The following TRPC1 variants were observed in gnomAD, a reference collection of about 807,000 sequenced individuals.
TRPC1 encodes short transient receptor potential channel 1.
Under a neutral mutation model 88.2 loss-of-function variants are expected in TRPC1, and 42 were observed. The ratio of observed to expected loss-of-function variants is 0.48; its 90% CI spans 0.37 to 0.62. The LOEUF (loss-of-function observed/expected upper bound fraction) is 0.62. Ranked by LOEUF, TRPC1 falls within the 20% of genes least tolerant of loss-of-function variation. The pLI, the probability that TRPC1 is intolerant of heterozygous loss-of-function variation, is 0.00. For synonymous variants in TRPC1, 288 were observed against 331.8 expected, an observed-to-expected ratio of 0.87 and a Z score of 1.43; for missense variants, 699 against 957.3, an observed-to-expected ratio of 0.73 and a Z score of 3.56.
chr3:142,756,641 G>A (rs912047951), intron 4 of TRPC1, among the ~76,000 whole-genome samples: 16 of 152,172 alleles, frequency 1.1e-4, no homozygotes, highest in African/African-American at 3.9e-4. Flanking sequence ...CTACAGGCAT[G>A]AGCCACTGCA....
At chr3:142,739,840 A>C (rs1472217201) in intron 2 of TRPC1, among the ~76,000 whole-genome samples, 1 of 152,180 alleles carries the variant, frequency 6.6e-6, no homozygotes, top group Non-Finnish European at 1.5e-5. Flanking sequence ...CTGTAAGAAA[A>C]ACAGTGGCTA....
intron 4 of TRPC1, among the ~76,000 whole-genome samples, chr3:142,764,012 ATATAAC>A: frequency 8.1e-6 from 1 of 123,044 alleles, no homozygotes; most frequent in African/African-American, 3.5e-5. Context: ...ATATATATAT[ATATAAC>A]AAATTATTTT....
chr3:142,726,097 T>G (rs956116628), intron 1 of TRPC1, among the ~76,000 whole-genome samples: 7 of 152,200 alleles, frequency 4.6e-5, no homozygotes, highest in African/African-American at 1.7e-4. Context: ...TTAGTATTGC[T>G]GGAGTGGGTT....
At chr3:142,782,786 G>A (rs888160260) in intron 6 of TRPC1, among the ~76,000 whole-genome samples, 7 of 152,208 alleles carry the variant, frequency 4.6e-5, no homozygotes, top group African/African-American at 1.7e-4. Flanking sequence ...ACAATGGGCA[G>A]ACTTTGAGGA....
chr3:142,730,921 A>G lies in TRPC1; in HGVS notation c.173-5458A>G, dbSNP rs573313679. 3.3e-5 allele frequency among the ~76,000 whole-genome samples: 5 copies of G among 152,328 alleles called. No homozygotes were observed. In the South Asian group the frequency reaches 1.0e-3, roughly 32 times the overall value. On this transcript the variant is annotated intron_variant, in intron 1 of 12. Transcript: ENST00000476941. ...TCACAACTAACTTCAAATTTGGTTA[A>G]TATAAAATTAAACTGAACAACATTG...
chr3:142,732,807 A>G lies in TRPC1; in HGVS notation c.173-3572A>G, dbSNP rs538389719. 2.0e-5 allele frequency among the ~76,000 whole-genome samples: 3 copies of G among 152,320 alleles called. No homozygotes were observed. The South Asian group carries it at 6.2e-4, about 32-fold the overall frequency. The stretch of plus-strand genomic sequence containing the variant: ...ACAAAAGATGTAACTCTTGAAAGCA[A>G]CTTCGTTATAAAATGAATGGCATTT... On this transcript the variant is annotated intron_variant, in intron 1 of 12. Transcript: ENST00000476941.
In TRPC1 at chr3:142,748,500, A is replaced by G. The variant is rs190579348; in HGVS notation, c.632+40A>G. 20 of 1,573,304 alleles carry G rather than the reference A, an allele frequency of 1.3e-5. 1 individual carries two copies. The highest frequency in any genetic ancestry group is 1.7e-4 in the Middle Eastern group (1 of 5,968). Reference sequence around the variant, plus strand: ...CTTTTGATAAATAGATGTGTGATATATATCAACAATGTTGATTTTTAAAAT... The same window carrying G: ...CTTTTGATAAATAGATGTGTGATATGTATCAACAATGTTGATTTTTAAAAT... On this transcript the variant is annotated intron_variant, in intron 4 of 12. Transcript: ENST00000476941.
At chr3:142,775,992 T>C (rs899169504) in intron 4 of TRPC1, among the ~76,000 whole-genome samples, 2 of 152,166 alleles carry the variant, frequency 1.3e-5, no homozygotes, top group African/African-American at 2.4e-5. Flanking sequence ...ACAAAAGATA[T>C]GCAAACTGAA....
intron 4 of TRPC1, among the ~76,000 whole-genome samples, chr3:142,758,480 ATTAT>A (rs967743112): frequency 6.6e-6 from 1 of 151,926 alleles, no homozygotes; most frequent in African/African-American, 2.4e-5. Flanking sequence ...GTAAAATCAG[ATTAT>A]TTATTTTTGG....
chr3:142,805,883 A>G (rs760694432), intron 12 of TRPC1, 125 bp from the exon 13 acceptor site: 34 of 737,376 alleles, frequency 4.6e-5, no homozygotes, highest in African/African-American at 9.0e-5. Context: ...TATACCATGT[A>G]GTAGAAAAAC....
chr3:142,782,997 C>T (rs968785396), intron 6 of TRPC1, among the ~76,000 whole-genome samples: 5 of 152,170 alleles, frequency 3.3e-5, no homozygotes, highest in African/African-American at 1.2e-4. Context: ...ATAGCATCAC[C>T]TCTGTTAGAA....
At chr3:142,753,494 G>A (rs999326706) in intron 4 of TRPC1, among the ~76,000 whole-genome samples, 2 of 152,036 alleles carry the variant, frequency 1.3e-5, no homozygotes, top group Non-Finnish European at 2.9e-5. Flanking sequence ...GACCGGGCGC[G>A]GTGGCTCACG....
Position 142,776,026 on chromosome 3 carries a change from A to G in TRPC1, c.633-1606A>G, listed in dbSNP as rs1935756206. On this transcript the variant is annotated intron_variant, in intron 4 of 12. Coordinates refer to ENST00000476941, the MANE Select transcript of TRPC1 (RefSeq NM_001251845.2). The surrounding 1 kb of genome is among the most constrained non-coding windows in gnomAD (Gnocchi z 4.1). ...AAGAATATTCATTGCTGCATTTTTT[A>G]TAGCAGAAAAAAATTAGAAGCCACC... Among the ~76,000 whole-genome samples the G allele has an allele frequency of 6.6e-6, 1 of 152,258 alleles. No individual in the cohort carries two copies. Among genetic ancestry groups the G allele is most frequent in the African/African-American group, 2.4e-5 (1 of 41,474 alleles).
intron 4 of TRPC1, among the ~76,000 whole-genome samples, chr3:142,750,098 T>C (rs1934700290): frequency 6.6e-6 from 1 of 152,180 alleles, no homozygotes; most frequent in African/African-American, 2.4e-5. Flanking sequence ...AAAGAGCTTC[T>C]GCACAGCAAA....
chr3:142,726,913 CTGT>C (rs1217308591), intron 1 of TRPC1, among the ~76,000 whole-genome samples: 2 of 152,286 alleles, frequency 1.3e-5, no homozygotes, highest in East Asian at 3.9e-4. Flanking sequence ...TGAGCCAGAT[CTGT>C]TGTTGTCCTC....
chr3:142,763,772 T>C (rs1935271983), intron 4 of TRPC1, among the ~76,000 whole-genome samples: 1 of 151,640 alleles, frequency 6.6e-6, no homozygotes, highest in African/African-American at 2.4e-5. Context: ...TTTCTTATTG[T>C]CTTCCTTTGT....
At chr3:142,743,348 A>G (rs1934423805) in intron 2 of TRPC1, 137 bp from the exon 3 acceptor site, 1 of 601,436 alleles carries the variant, frequency 1.7e-6, no homozygotes, top group Non-Finnish European at 2.7e-6. Context: ...TTGTACAGTC[A>G]AAATTTTTGA....
chr3:142,800,315 T>A (rs1378178325), intron 9 of TRPC1, among the ~76,000 whole-genome samples: 1 of 152,076 alleles, frequency 6.6e-6, no homozygotes, highest in Non-Finnish European at 1.5e-5. Context: ...TACCACATGG[T>A]CTAGTCAAAA....
intron 4 of TRPC1, among the ~76,000 whole-genome samples, chr3:142,754,468 C>T (rs1424164141): frequency 6.6e-6 from 1 of 152,020 alleles, no homozygotes; most frequent in Non-Finnish European, 1.5e-5. Context: ...ACCAACATGG[C>T]ACATGTATAC....
Sources: allele counts gnomAD v4.1 joint callset (sites outside exome capture counted in the v4.1 genomes callset), GRCh38; gene constraint gnomAD v4.1.1; non-coding constraint Gnocchi (gnomAD v3.1); transcripts MANE v1.5; gene names NCBI Gene and HGNC (gene_info 2026-07-23, HGNC 2026-07-21).